WIZ: variants seen among roughly 807,000 people sequenced by gnomAD.
The protein encoded by WIZ is WIZ zinc finger.
In WIZ, 25 loss-of-function variants were observed where a neutral mutation model predicts 140.2. That is an observed-to-expected ratio of 0.18 (90% confidence interval 0.13 to 0.25). The LOEUF is 0.25. WIZ is among the 10% of genes least tolerant of loss of function. The pLI is 1.00. For synonymous variants in WIZ, 1,125 were observed against 1,154.3 expected, an observed-to-expected ratio of 0.97 and a Z score of 0.51; for missense variants, 2,231 against 2,632.6, an observed-to-expected ratio of 0.85 and a Z score of 3.34.
chr19:15,444,153 G>C (rs1969838778), intron 2 of WIZ, among the ~76,000 whole-genome samples: 1 of 152,222 alleles, frequency 6.6e-6, no homozygotes, highest in Non-Finnish European at 1.5e-5. Flanking sequence ...CCAGAAAAAG[G>C]GATAGGGCTG....
At position 15,427,642 on chromosome 19, in the gene WIZ, T is replaced by C; in HGVS notation, c.3815-109A>G. The C allele has an allele frequency of 7.9e-7, 1 of 1,272,202 alleles. No individual in the cohort carries two copies. Among genetic ancestry groups the C allele is most frequent in the East Asian group, 2.5e-5 (1 of 39,604 alleles). The allele number at this position is 1,272,202 out of a possible 1,614,324, so 78.8% of individuals were successfully genotyped here. On this transcript the variant is annotated intron_variant, in intron 8 of 12. Transcript: ENST00000673675. This position sits in a 1 kb window ranked among gnomAD's most constrained non-coding sequence, Gnocchi z 6.4. ...TGGGCGGCAGCAGCACGCCCACAGG[T>C]TAGGGTGGTGAGGGCAGGTGCAGGT...
At chr19:15,432,992 C>G (rs919953130) in intron 5 of WIZ, among the ~76,000 whole-genome samples, 1 of 152,112 alleles carries the variant, frequency 6.6e-6, no homozygotes, top group Admixed American at 6.5e-5. Context: ...CCAGCCCAGT[C>G]CCCGGACATC....
rs916602937 is a variant in WIZ at position 15,422,010 on chromosome 19, A to C, written c.*1066T>G. On this transcript the variant is annotated 3_prime_UTR_variant, in exon 13 of 13. Coordinates refer to ENST00000673675, the MANE Select transcript of WIZ (RefSeq NM_001371589.1). The stretch of plus-strand genomic sequence containing the variant: ...GCCTCCATGGCGCTCTGGACAGAGG[A>C]GGCCCCGATCCCAGCCCCGGCTGCC... 13 of 152,194 alleles carry C rather than the reference A, an allele frequency of 8.5e-5. No homozygotes were observed. The highest frequency in any genetic ancestry group is 1.6e-4 in the Non-Finnish European group (11 of 68,048). The allele number at this position is 152,194 out of a possible 1,614,324, so 9.4% of individuals were successfully genotyped here. A position where few individuals can be genotyped will look rare whatever the true frequency, so the allele number is the denominator to read the frequency against.
At position 15,438,813 on chromosome 19, in the gene WIZ, G is replaced by A. The variant is rs971064395; in HGVS notation, c.2181C>T (p.Gly727=). ...GGAGTGTGTCCAGCCCCAGCGGGCCGCCCAGCGGCGCGTCCAGGAGCAGGA... is the reference window on the plus strand; with the variant it reads ...GGAGTGTGTCCAGCCCCAGCGGGCCACCCAGCGGCGCGTCCAGGAGCAGGA... ...LDFLLLDAPL[G]GPLGLDTLLD... Residue 727 remains glycine (G), a synonymous_variant, in exon 4 of 13, where the codon GGC becomes GGT. Transcript: ENST00000673675. 43 of 1,508,804 alleles carry A rather than the reference G, an allele frequency of 2.8e-5. No homozygotes were observed. Among genetic ancestry groups the A allele is most frequent in the Admixed American group, 1.0e-4 (5 of 49,042 alleles). The allele number at this position is 1,508,804 out of a possible 1,614,324, so 93.5% of individuals were successfully genotyped here.
At position 15,420,804 on chromosome 19, in the gene WIZ, T is replaced by C. The variant is rs1968340228; in HGVS notation, c.*2272A>G. ...TCATTTGACTGTTTTTTGTCACATC[T>C]AGCCTATACCACTTTTATATTTCAA... On this transcript the variant is annotated 3_prime_UTR_variant, in exon 13 of 13. Transcript: ENST00000673675. 2 of 152,234 alleles carry C rather than the reference T, an allele frequency of 1.3e-5. No homozygotes were observed. The highest frequency in any genetic ancestry group is 2.9e-5 in the Non-Finnish European group (2 of 68,056). 9.4% of individuals were successfully genotyped at this position (152,234 alleles called of 1,614,324 possible).
chr19:15,447,967 T>G, intron 2 of WIZ, 136 bp downstream of exon 2: 2 of 1,010,596 alleles, frequency 2.0e-6, no homozygotes, highest in African/African-American at 1.6e-5. Flanking sequence ...CTAAACAGAG[T>G]ACAAAGAAAA....
In WIZ at chr19:15,428,916, T is replaced by TG. The variant is rs1269505017; in HGVS notation, c.3416-409dup. ...GAAGCAACTTCAAGGGAACATAAGG[T>TG]GCCAAATGGGGGGCTCCATTGGGCA... On this transcript the variant is annotated intron_variant, in intron 7 of 12. Coordinates refer to ENST00000673675, the MANE Select transcript of WIZ (RefSeq NM_001371589.1). This position sits in a 1 kb window ranked among gnomAD's most constrained non-coding sequence, Gnocchi z 6.4. Among the ~76,000 whole-genome samples, 1 of 152,086 alleles carries TG rather than the reference T, an allele frequency of 6.6e-6. No homozygotes were observed. Among genetic ancestry groups the TG allele is most frequent in the African/African-American group, 2.4e-5 (1 of 41,402 alleles).
rs1969650347 is a variant in WIZ at position 15,439,538 on chromosome 19, C to A, written c.1456G>T (p.Val486Leu). 2 of 1,525,200 alleles carry A rather than the reference C, an allele frequency of 1.3e-6. No individual in the cohort carries two copies. Among genetic ancestry groups the A allele is most frequent in the Admixed American group, 2.0e-5 (1 of 49,274 alleles). The allele number at this position is 1,525,200 out of a possible 1,614,324, so 94.5% of individuals were successfully genotyped here. ...TCCTCCCAGTGGGGATGGGCATGCACCAGCCTCACGTGCTCCCTGAGCAGG... is the reference window on the plus strand; with the variant it reads ...TCCTCCCAGTGGGGATGGGCATGCAACAGCCTCACGTGCTCCCTGAGCAGG... ...ESLLREHVRLVHAHPHWEEDG... is the reference protein window; with the variant it reads ...ESLLREHVRLLHAHPHWEEDG... The change falls in exon 4 of 13, where the codon GTG (valine) becomes TTG (leucine). Residue 486 changes from valine (V) to leucine (L), a missense_variant. This residue lies in a region of WIZ where 475 missense variants were observed against 520.2 expected (regional missense o/e 0.91). Coordinates refer to ENST00000673675, the MANE Select transcript of WIZ (RefSeq NM_001371589.1). The surrounding 1 kb of genome is among the most constrained non-coding windows in gnomAD (Gnocchi z 7.0).
rs1475616751 is a variant in WIZ at position 15,425,007 on chromosome 19, A to G, written c.4920T>C (p.Cys1640=). ...CCTTGCGGTTTTCAAAGTAAAGGCC[A>G]CACAGCTCGCAGCAGGCCTCGGTGG... The part of the protein sequence containing the change: ...HSSTEACCEL[C]GLYFENRKAL... Residue 1640 remains cysteine, a synonymous_variant, in exon 11 of 13, where the codon TGT becomes TGC. Coordinates refer to ENST00000673675, the MANE Select transcript of WIZ (RefSeq NM_001371589.1). 1 of 1,595,664 alleles carries G rather than the reference A, an allele frequency of 6.3e-7. No homozygotes were observed. The highest frequency in any genetic ancestry group is 8.5e-7 in the Non-Finnish European group (1 of 1,173,272).
At chr19:15,436,140 A>G (rs1969508682) in intron 5 of WIZ, among the ~76,000 whole-genome samples, 1 of 152,220 alleles carries the variant, frequency 6.6e-6, no homozygotes, top group Non-Finnish European at 1.5e-5. Context: ...AAGAAAATCT[A>G]GACTCTAGAT....
rs754628968 is a variant in WIZ at position 15,439,126 on chromosome 19, TC to T, written c.1867del (p.Glu623ArgfsTer4). 548 of 1,392,084 alleles carry T rather than the reference TC, an allele frequency of 3.9e-4. No individual in the cohort carries two copies. The highest frequency in any genetic ancestry group is 1.8e-3 in the Admixed American group (80 of 43,370). 86.2% of individuals were successfully genotyped at this position (1,392,084 alleles called of 1,614,324 possible). ...WSEEEEEEEE[E>X]EDVVLTSEMD... The stretch of plus-strand genomic sequence containing the variant: ...CTCGGAGGTCAGCACTACATCCTCC[TC>T]CTCCTCCTCCTCCTCCTCCTCTTCG... On this transcript the variant is annotated frameshift_variant, in exon 4 of 13. Coordinates refer to ENST00000673675, the MANE Select transcript of WIZ (RefSeq NM_001371589.1). LOFTEE classifies it high-confidence loss of function. The surrounding 1 kb of genome is among the most constrained non-coding windows in gnomAD (Gnocchi z 7.0).
rs1968883299 is a variant in WIZ, at chr19:15,427,157, C to T, written c.4191G>A (p.Thr1397=). The T allele has an allele frequency of 1.2e-6, 2 of 1,614,022 alleles. No individual in the cohort carries two copies. The highest frequency in any genetic ancestry group is 1.7e-6 in the Non-Finnish European group (2 of 1,180,028). Residue 1397 remains threonine (T), a synonymous_variant, in exon 9 of 13, where the codon ACG becomes ACA. Coordinates refer to ENST00000673675, the MANE Select transcript of WIZ (RefSeq NM_001371589.1). This position sits in a 1 kb window ranked among gnomAD's most constrained non-coding sequence, Gnocchi z 6.4. ...CCAGGCCTGGGAACATCTTTCGGGC[C>T]GTAGGAGGAGGAGAGGCAGTTGGTG... ...GHSPTASPPP[T]ARKMFPGLAA... is the part of the protein sequence containing the mutation.
Position 15,440,197 on chromosome 19 carries a change from C to A in WIZ, c.797G>T (p.Trp266Leu), listed in dbSNP as rs1436979211. Residue 266 changes from tryptophan (W) to leucine (L), a missense_variant, in exon 4 of 13, where the codon TGG becomes TTG. Trp to Leu is a moderately conservative substitution (Grantham distance 61). Around this residue, in one of 15 missense-constraint regions of WIZ, gnomAD observed 307 missense variants for 294.1 expected, o/e 1.04. Transcript: ENST00000673675. The surrounding 1 kb of genome is among the most constrained non-coding windows in gnomAD (Gnocchi z 6.2). ...CACAGAAGCCTCCGAGTTCACTGTCCAGGTCTGTGTGGCTACCTCCGAGGC... is the reference window on the plus strand; with the variant it reads ...CACAGAAGCCTCCGAGTTCACTGTCAAGGTCTGTGTGGCTACCTCCGAGGC... ...TSASEVATQT[W>L]TVNSEASVER... 6.5e-7 allele frequency: 1 copy of A among 1,529,688 alleles called. No homozygotes were observed. Among genetic ancestry groups the A allele is most frequent in the South Asian group, 1.2e-5 (1 of 83,336 alleles). The allele number at this position is 1,529,688 out of a possible 1,614,324, so 94.8% of individuals were successfully genotyped here.
chr19:15,426,624 G>C (rs889673723), intron 9 of WIZ, among the ~76,000 whole-genome samples: 1 of 152,200 alleles, frequency 6.6e-6, no homozygotes, highest in Non-Finnish European at 1.5e-5. Flanking sequence ...CAGTTCAGAC[G>C]TTCACTGCCA....
At chr19:15,446,419 T>G (rs1969922697) in intron 2 of WIZ, among the ~76,000 whole-genome samples, 1 of 152,168 alleles carries the variant, frequency 6.6e-6, no homozygotes, top group Non-Finnish European at 1.5e-5. Context: ...CACAAGATTC[T>G]GCCTCTCTCT....
At chr19:15,429,161 A>T (rs1969055703) in intron 7 of WIZ, among the ~76,000 whole-genome samples, 1 of 152,108 alleles carries the variant, frequency 6.6e-6, no homozygotes, top group Non-Finnish European at 1.5e-5. Context: ...AGACTTGATG[A>T]CAGGACCAAT....
chr19:15,438,949 A>G lies in WIZ; in HGVS notation c.2045T>C (p.Val682Ala), dbSNP rs1011380362. Reference sequence around the variant, plus strand: ...CAGCTTCGCCACGAGCACAATGGGTACCATCCCTCGGAGCTGCTGCTGCTG... The same window carrying G: ...CAGCTTCGCCACGAGCACAATGGGTGCCATCCCTCGGAGCTGCTGCTGCTG... ...QGQQQQLRGM[V>A]PIVLVAKLGP... The change falls in exon 4 of 13, where the codon GTA becomes GCA. Residue 682 changes from valine (V) to alanine (A), a missense_variant. Coordinates refer to ENST00000673675, the MANE Select transcript of WIZ (RefSeq NM_001371589.1). 6 of 1,451,314 alleles carry G rather than the reference A, an allele frequency of 4.1e-6. No homozygotes were observed. The African/African-American group carries it at 5.7e-5, about 14-fold the overall frequency. 89.9% of individuals were successfully genotyped at this position (1,451,314 alleles called of 1,614,324 possible). A position where few individuals can be genotyped will look rare whatever the true frequency, so the allele number is the denominator to read the frequency against.
At chr19:15,445,554 G>A (rs982504138) in intron 2 of WIZ, among the ~76,000 whole-genome samples, 6 of 152,030 alleles carry the variant, frequency 3.9e-5, no homozygotes, top group Non-Finnish European at 5.9e-5. Context: ...CCTCAGGTCC[G>A]GTCACTCCAT....
rs1968464682 is a variant in WIZ, at chr19:15,423,006, G to A, written c.*70C>T. On this transcript the variant is annotated 3_prime_UTR_variant, in exon 13 of 13. Coordinates refer to ENST00000673675, the MANE Select transcript of WIZ (RefSeq NM_001371589.1). Reference sequence around the variant, plus strand: ...TGGAAACGGAAAGAAAGAGGAAGAGGGACAAGGACACAGAGGAGGAAGAAG... The same window carrying A: ...TGGAAACGGAAAGAAAGAGGAAGAGAGACAAGGACACAGAGGAGGAAGAAG... 6.4e-7 allele frequency: 1 copy of A among 1,558,876 alleles called. No individual in the cohort carries two copies. Among genetic ancestry groups the A allele is most frequent in the African/African-American group, 1.4e-5 (1 of 73,260 alleles).
Sources: allele counts gnomAD v4.1 joint callset (sites outside exome capture counted in the v4.1 genomes callset), GRCh38; gene constraint gnomAD v4.1.1; regional missense constraint gnomAD v4.1.1; non-coding constraint Gnocchi (gnomAD v3.1); transcripts MANE v1.5; gene names NCBI Gene and HGNC (gene_info 2026-07-23, HGNC 2026-07-21).